Variants in SARAF observed in about 807,000 individuals in gnomAD.
The protein encoded by SARAF is store-operated calcium entry associated regulatory factor.
In SARAF, 23 loss-of-function variants were observed where a neutral mutation model predicts 39.7. That is an observed-to-expected ratio of 0.58 (90% CI 0.42 to 0.82). The LOEUF (loss-of-function observed/expected upper bound fraction) is 0.82. SARAF is among the 40% of genes least tolerant of loss of function. SARAF has a pLI of 0.00. For synonymous variants in SARAF, 175 were observed against 168.5 expected (o/e 1.04, Z -0.30); for missense variants, 384 against 418.5 (o/e 0.92, Z 0.72).
At chr8:30,081,824 T>C (rs1802106297) in intron 1 of SARAF, among the ~76,000 whole-genome samples, 1 of 151,968 alleles carries the variant, frequency 6.6e-6, no homozygotes, top group Non-Finnish European at 1.5e-5. Flanking sequence ...TATAGACATA[T>C]ACGTATTAAT....
At chr8:30,079,076 G>C (rs1279678052) in intron 1 of SARAF, among the ~76,000 whole-genome samples, 1 of 146,972 alleles carries the variant, frequency 6.8e-6, no homozygotes, top group Non-Finnish European at 1.5e-5. Context: ...AGAATCACTT[G>C]AATCCAGGAG....
intron 1 of SARAF, among the ~76,000 whole-genome samples, chr8:30,080,417 T>C (rs895901345): frequency 1.3e-5 from 2 of 152,212 alleles, no homozygotes; most frequent in Admixed American, 1.3e-4. Flanking sequence ...AACAGTGACT[T>C]CCCTGACCAA....
intron 1 of SARAF, chr8:30,078,388 C>T (rs1802023695): frequency 1.1e-5 from 3 of 280,346 alleles, no homozygotes; most frequent in East Asian, 1.2e-4. Flanking sequence ...AAACAGACCA[C>T]ACAAAGGCAC....
chr8:30,071,498 T>C (rs1419835425), intron 2 of SARAF, among the ~76,000 whole-genome samples: 1 of 152,250 alleles, frequency 6.6e-6, no homozygotes, highest in South Asian at 2.1e-4. Context: ...AATTCACACA[T>C]ACCATACAAT....
At chr8:30,078,462 G>A (rs546210820) in intron 1 of SARAF, among the ~76,000 whole-genome samples, 35 of 152,060 alleles carry the variant, frequency 2.3e-4, no homozygotes, top group Middle Eastern at 3.4e-3. Context: ...AGAAGAATAG[G>A]GAGAAAACAA....
chr8:30,074,261 C>T (rs1369042919), intron 1 of SARAF, among the ~76,000 whole-genome samples: 1 of 152,148 alleles, frequency 6.6e-6, no homozygotes, highest in Non-Finnish European at 1.5e-5. Flanking sequence ...GATCTCCCTG[C>T]ATTTCAGGCC....
rs1294252486 is a variant in SARAF at position 30,066,695 on chromosome 8, A to T, written c.842+82T>A. 3.9e-6 allele frequency: 6 copies of T among 1,533,608 alleles called. No individual in the cohort carries two copies. The East Asian group carries it at 1.3e-4, about 34-fold the overall frequency. On this transcript the variant is annotated intron_variant, in intron 4 of 5. Transcript: ENST00000256255. ...AACGTCACCACAATTTATTTTCCTTAGCAAAACTAAATGCAGTTAAATTGT... is the reference window on the plus strand; with the variant it reads ...AACGTCACCACAATTTATTTTCCTTTGCAAAACTAAATGCAGTTAAATTGT...
At chr8:30,080,728 C>T (rs574156774) in intron 1 of SARAF, among the ~76,000 whole-genome samples, 1 of 152,222 alleles carries the variant, frequency 6.6e-6, no homozygotes, top group South Asian at 2.1e-4. Flanking sequence ...CAAATTACTG[C>T]TCAATGTGAG....
At chr8:30,074,580 T>C (rs935905589) in intron 1 of SARAF, among the ~76,000 whole-genome samples, 13 of 152,206 alleles carry the variant, frequency 8.5e-5, no homozygotes, top group African/African-American at 3.1e-4. Flanking sequence ...GAATGTTTTG[T>C]ATGACAGCTT....
At chr8:30,076,358 T>G (rs963942400) in intron 1 of SARAF, among the ~76,000 whole-genome samples, 5 of 152,182 alleles carry the variant, frequency 3.3e-5, no homozygotes, top group Non-Finnish European at 5.9e-5. Context: ...GGAGACTGGA[T>G]GACTATTCCC....
chr8:30,071,664 T>G (rs539129042), intron 2 of SARAF, among the ~76,000 whole-genome samples: 2 of 152,212 alleles, frequency 1.3e-5, no homozygotes, highest in African/African-American at 4.8e-5. Flanking sequence ...TCTGTCTATA[T>G]GGATTTCCCT....
chr8:30,066,175 C>T, intron 4 of SARAF, 36 bp from the exon 5 acceptor site: 1 of 1,552,500 alleles, frequency 6.4e-7, no homozygotes, highest in Non-Finnish European at 8.8e-7. Context: ...GCATTTTTTT[C>T]TTGTGGCTAT....
chr8:30,073,352 C>T (rs1455131769), intron 2 of SARAF, among the ~76,000 whole-genome samples: 2 of 152,214 alleles, frequency 1.3e-5, no homozygotes, highest in African/African-American at 4.8e-5. Context: ...CAAGGAGATG[C>T]TCTGCTCGTA....
In SARAF at chr8:30,066,892, T is replaced by G. The variant is rs1442747571; in HGVS notation, c.727A>C (p.Thr243Pro). Reference sequence around the variant, plus strand: ...GTAAAAGCACTGCCAAAACCAGAAGTTGCACCATGGCCAGTATTCTGTGGT... The same window carrying G: ...GTAAAAGCACTGCCAAAACCAGAAGGTGCACCATGGCCAGTATTCTGTGGT... The part of the protein sequence containing the change: ...TGPQNTGHGA[T>P]SGFGSAFTGQ... Residue 243 changes from threonine to proline, a missense_variant, in exon 4 of 6, where the codon ACT (threonine) becomes CCT (proline). Thr to Pro is a conservative substitution (Grantham distance 38). Transcript: ENST00000256255. The G allele has an allele frequency of 1.2e-5, 19 of 1,614,024 alleles. No individual in the cohort carries two copies. Among genetic ancestry groups the G allele is most frequent in the Non-Finnish European group, 1.5e-5 (18 of 1,180,008 alleles).
Position 30,069,820 on chromosome 8 carries a change from A to G in SARAF, c.522T>C (p.Ser174=). The change falls in exon 3 of 6, where the codon AGT becomes AGC. Residue 174 remains serine (S), a synonymous_variant. Coordinates refer to ENST00000256255, the MANE Select transcript of SARAF (RefSeq NM_016127.6). The part of the protein sequence containing the change: ...KWSSADSCNM[S]GLITIVVLLG... ...GGAGTACCACAATGGTAATCAATCC[A>G]CTCATGTTACAGGAATCCGCCGAGG... The G allele has an allele frequency of 6.2e-7, 1 of 1,614,122 alleles. No individual in the cohort carries two copies. The highest frequency in any genetic ancestry group is 1.1e-5 in the South Asian group (1 of 91,074).
intron 3 of SARAF, among the ~76,000 whole-genome samples, chr8:30,069,099 T>A (rs555752504): frequency 3.6e-4 from 54 of 151,884 alleles, no homozygotes; most frequent in Non-Finnish European, 7.1e-4. Flanking sequence ...TTGATCAAGT[T>A]TCTCTGATTA....
rs2117420431 is a variant in SARAF, at chr8:30,066,112, C to T, written c.870G>A (p.Trp290Ter). 1.2e-6 allele frequency: 2 copies of T among 1,613,916 alleles called. No individual in the cohort carries two copies. Among genetic ancestry groups the T allele is most frequent in the Non-Finnish European group, 8.5e-7 (1 of 1,179,884 alleles). Residue 290 changes from tryptophan to a stop codon, truncating the protein, a stop_gained, in exon 5 of 6, where the codon TGG (tryptophan) becomes TGA (stop). Transcript: ENST00000256255. LOFTEE classifies it high-confidence loss of function. ...NRAATPFSDSWYYPSYPPSYP... is the reference protein window; with the variant it reads ...NRAATPFSDS Reference sequence around the variant, plus strand: ...AGGAGGGAGGATAGGACGGGTAGTACCACGAGTCTGAGAAGGGTGTTGCCG... The same window carrying T: ...AGGAGGGAGGATAGGACGGGTAGTATCACGAGTCTGAGAAGGGTGTTGCCG...
At chr8:30,070,112 A>T in intron 2 of SARAF, 53 bp from the exon 3 acceptor site, 1 of 1,474,668 alleles carries the variant, frequency 6.8e-7, no homozygotes, top group Non-Finnish European at 9.1e-7. Context: ...TTTTCATTTA[A>T]TATATGTTAC....
chr8:30,076,378 T>TA (rs924086212), intron 1 of SARAF, among the ~76,000 whole-genome samples: 22 of 152,182 alleles, frequency 1.4e-4, no homozygotes, highest in African/African-American at 5.3e-4. Context: ...CTTGGTAATC[T>TA]AACCAAGAAG....
Sources: allele counts gnomAD v4.1 joint callset (sites outside exome capture counted in the v4.1 genomes callset), GRCh38; gene constraint gnomAD v4.1.1; transcripts MANE v1.5; gene names NCBI Gene and HGNC (gene_info 2026-07-23, HGNC 2026-07-21).